Variants in HGFAC observed in about 807,000 individuals in gnomAD.
HGFAC encodes the protein HGF activator.
HGFAC carries 76 observed loss-of-function variants against 70.6 expected under a neutral mutation model. The ratio of observed to expected loss-of-function variants is 1.08; its 90% CI spans 0.89 to 1.30. HGFAC has a LOEUF of 1.30. Among genes scored for constraint, HGFAC ranks in the 50% most tolerant of loss-of-function variants. HGFAC has a pLI of 0.00. For synonymous variants in HGFAC, 464 were observed against 405.3 expected (o/e 1.14, Z -1.74); for missense variants, 1,044 against 933.7 (o/e 1.12, Z -1.54).
chr4:3,443,214 C>A, intron 3 of HGFAC, 68 bp downstream of exon 3: 2 of 1,341,770 alleles, frequency 1.5e-6, no homozygotes, highest in Non-Finnish European at 2.0e-6. Flanking sequence ...TTTCTGGGAG[C>A]CGGGCACACA....
chr4:3,445,932 G>A (rs778283296), intron 9 of HGFAC, 110 bp from the exon 10 acceptor site: 1 of 1,555,772 alleles, frequency 6.4e-7, no homozygotes, highest in Non-Finnish European at 8.7e-7. Context: ...GCGTGGACAG[G>A]GGGTCCGGCC....
Position 3,447,495 on chromosome 4 carries a change from C to A in HGFAC, c.1359C>A (p.Pro453=). The part of the protein sequence containing the change: ...VSAAHCFSHS[P]PRDSVSVVLG... ...GCCTCCAGCCCCCCTTGCACAGCCC[C>A]CCCAGGGACAGCGTCTCCGTGGTGC... The change falls in exon 11 of 14, where the codon CCC becomes CCA. Residue 453 remains proline (P), a synonymous_variant. Transcript: ENST00000382774. 1 of 1,612,564 alleles carries A rather than the reference C, an allele frequency of 6.2e-7. No homozygotes were observed. Among genetic ancestry groups the A allele is most frequent in the East Asian group, 2.2e-5 (1 of 44,874 alleles).
At position 3,442,746 on chromosome 4, in the gene HGFAC, C is replaced by G. The variant is rs756582570; in HGVS notation, c.132C>G (p.Ser44=). 6.6e-7 allele frequency: 1 copy of G among 1,513,296 alleles called. No homozygotes were observed. The highest frequency in any genetic ancestry group is 8.8e-7 in the Non-Finnish European group (1 of 1,133,026). The allele number at this position is 1,513,296 out of a possible 1,614,324, so 93.7% of individuals were successfully genotyped here. A position where few individuals can be genotyped will look rare whatever the true frequency, so the allele number is the denominator to read the frequency against. Residue 44 remains serine, a synonymous_variant, in exon 2 of 14, where the codon TCC becomes TCG. Coordinates refer to ENST00000382774, the MANE Select transcript of HGFAC (RefSeq NM_001528.4). The stretch of plus-strand genomic sequence containing the variant: ...GCTCCTCCTAGAACCGTACGGAGTC[C>G]CCAGAACCTAATGCCACAGCGACCC... The part of the protein sequence containing the change: ...QPQPGGNRTE[S]PEPNATATPA...
intron 10 of HGFAC, 121 bp from the exon 11 acceptor site, chr4:3,447,371 C>T (rs1475432293): frequency 8.9e-7 from 1 of 1,118,800 alleles, no homozygotes; most frequent in Non-Finnish European, 1.3e-6. Flanking sequence ...CTGCTCAGAC[C>T]CCTCCCCGGG....
Position 3,443,329 on chromosome 4 carries a change from G to T in HGFAC, c.396-12G>T, listed in dbSNP as rs1189533351. ...GCCTGGGACCCCCATGCACGCAGGT[G>T]TCGCCCCCCAGGTGTGCCACAACTC... On this transcript the variant is annotated splice_polypyrimidine_tract_variant and intron_variant, in intron 3 of 13. Coordinates refer to ENST00000382774, the MANE Select transcript of HGFAC (RefSeq NM_001528.4). The T allele has an allele frequency of 1.9e-6, 3 of 1,541,744 alleles. No individual in the cohort carries two copies. The highest frequency in any genetic ancestry group is 2.5e-5 in the East Asian group (1 of 40,526).
chr4:3,443,455 G>T (rs1318561600), intron 4 of HGFAC, 35 bp downstream of exon 4: 15 of 1,340,256 alleles, frequency 1.1e-5, no homozygotes, highest in Non-Finnish European at 1.4e-5. Flanking sequence ...GGGCGGGCAG[G>T]GGGCACTGGG....
Position 3,447,578 on chromosome 4 carries a change from A to G in HGFAC, c.1442A>G (p.Lys481Arg). 6.2e-7 allele frequency: 1 copy of G among 1,612,708 alleles called. No homozygotes were observed. Among genetic ancestry groups the G allele is most frequent in the Non-Finnish European group, 8.5e-7 (1 of 1,179,916 alleles). Reference sequence around the variant, plus strand: ...GTGACGCAGACCTTCGGCATCGAGAAGTACATCCCGTACACCCTGTACTCG... The same window carrying G: ...GTGACGCAGACCTTCGGCATCGAGAGGTACATCCCGTACACCCTGTACTCG... ...TDVTQTFGIE[K>R]YIPYTLYSVF... The change falls in exon 11 of 14, where the codon AAG (lysine) becomes AGG (arginine). Residue 481 changes from lysine (K) to arginine (R), a missense_variant. By Grantham distance (26) the Lys-to-Arg change is conservative (BLOSUM62 2). Coordinates refer to ENST00000382774, the MANE Select transcript of HGFAC (RefSeq NM_001528.4).
At chr4:3,445,463 G>T (rs1402798885) in intron 9 of HGFAC, 113 bp downstream of exon 9, 1 of 783,654 alleles carries the variant, frequency 1.3e-6, no homozygotes, top group Non-Finnish European at 2.2e-6. Context: ...GACAAATGGG[G>T]AAACTGGAGC....
In HGFAC at chr4:3,442,011, T is replaced by G; in HGVS notation, c.10T>G (p.Trp4Gly). Residue 4 changes from tryptophan (W) to glycine (G), a missense_variant, in exon 1 of 14, where the codon TGG becomes GGG. Transcript: ENST00000382774. ...GGCCAGCTCAGGAGCCATGGGGCGC[T>G]GGGCCTGGGTCCCCAGCCCCTGGCC... Reference protein sequence around the residue: MGRWAWVPSPWPPP... With the variant: MGRGAWVPSPWPPP... 6.7e-7 allele frequency: 1 copy of G among 1,500,760 alleles called. No homozygotes were observed. The highest frequency in any genetic ancestry group is 8.8e-7 in the Non-Finnish European group (1 of 1,139,658). 93.0% of individuals were successfully genotyped at this position (1,500,760 alleles called of 1,614,324 possible).
chr4:3,444,278 G>T (rs898027025), intron 5 of HGFAC, 33 bp from the exon 6 acceptor site: 2 of 1,571,866 alleles, frequency 1.3e-6, no homozygotes, highest in African/African-American at 1.3e-5. Flanking sequence ...ACAGCAGGTG[G>T]CAGGGTGTGA....
chr4:3,444,267 G>A (rs1379380760), intron 5 of HGFAC, 44 bp from the exon 6 acceptor site: 9 of 1,568,462 alleles, frequency 5.7e-6, no homozygotes, highest in African/African-American at 2.7e-5. Context: ...CCTGCACGGG[G>A]ACAGCAGGTG....
At chr4:3,447,740 TG>T in intron 11 of HGFAC, 109 bp downstream of exon 11, 1 of 1,549,180 alleles carries the variant, frequency 6.5e-7, no homozygotes, top group African/African-American at 1.4e-5. Flanking sequence ...CGGGGGAAGC[TG>T]GGGGCAGGGC....
chr4:3,442,168 TG>T (rs1291199538), intron 1 of HGFAC, 50 bp downstream of exon 1: 18 of 1,415,864 alleles, frequency 1.3e-5, no homozygotes, highest in Admixed American at 6.8e-5. Context: ...AGTGGCTACT[TG>T]GGGTCCTTGG....
At chr4:3,441,960 C>G, upstream of HGFAC, 3 of 1,209,204 alleles carry the variant, frequency 2.5e-6, no homozygotes, top group Non-Finnish European at 3.3e-6. This position sits in a 1 kb window ranked among gnomAD's most constrained non-coding sequence, Gnocchi z 6.0. Context: ...CTTGGCCGCT[C>G]TGCTCCCGCC....
rs565642688 is a variant in HGFAC at position 3,444,447 on chromosome 4, G to T, written c.730+5G>T. ...GCGAAGGCACCCGACATACAGGTGC[G>T]CCACGGGGTGTGAGCCGTGCCACTG... On this transcript the variant is annotated splice_donor_5th_base_variant and intron_variant, in intron 6 of 13. Transcript: ENST00000382774. 1.2e-5 allele frequency: 19 copies of T among 1,587,198 alleles called. No individual in the cohort carries two copies. The African/African-American group carries it at 2.1e-4, about 18-fold the overall frequency.
chr4:3,441,587 C>G (rs1254758484), upstream of HGFAC, among the ~76,000 whole-genome samples: 1 of 152,232 alleles, frequency 6.6e-6, no homozygotes, highest in Non-Finnish European at 1.5e-5. The surrounding 1 kb of genome is among the most constrained non-coding windows in gnomAD (Gnocchi z 6.0). Context: ...CTGGACACCT[C>G]CAAGGCCCAG....
intron 9 of HGFAC, chr4:3,445,812 C>CGTGTG: frequency 1.4e-6 from 2 of 1,454,400 alleles, no homozygotes; most frequent in Non-Finnish European, 1.9e-6. Flanking sequence ...CAAAGGCCTC[C>CGTGTG]GTGTGTCCAG....
chr4:3,448,423 C>T lies in HGFAC; in HGVS notation c.1785+147C>T, dbSNP rs1368933241. Reference sequence around the variant, plus strand: ...CAGGGACCCCTGGGCAGGGAGCACACTTACTGTCGGTGGCCAGCACCCCAG... The same window carrying T: ...CAGGGACCCCTGGGCAGGGAGCACATTTACTGTCGGTGGCCAGCACCCCAG... On this transcript the variant is annotated intron_variant, in intron 13 of 13. Coordinates refer to ENST00000382774, the MANE Select transcript of HGFAC (RefSeq NM_001528.4). The T allele has an allele frequency of 7.0e-6, 7 of 1,005,672 alleles. No individual in the cohort carries two copies. The East Asian group carries it at 1.3e-4, about 19-fold the overall frequency. The allele number at this position is 1,005,672 out of a possible 1,614,324, so 62.3% of individuals were successfully genotyped here. A position where few individuals can be genotyped will look rare whatever the true frequency, so the allele number is the denominator to read the frequency against.
At position 3,442,783 on chromosome 4, in the gene HGFAC, A is replaced by G. The variant is rs144680516; in HGVS notation, c.169A>G (p.Thr57Ala). The G allele has an allele frequency of 8.6e-5, 134 of 1,566,402 alleles. No individual in the cohort carries two copies. The African/African-American group carries it at 1.6e-3, about 19-fold the overall frequency. The change falls in exon 2 of 14, where the codon ACT becomes GCT. Residue 57 changes from threonine to alanine, a missense_variant. By Grantham distance (58) the Thr-to-Ala change is moderately conservative. Coordinates refer to ENST00000382774, the MANE Select transcript of HGFAC (RefSeq NM_001528.4). ...TGCCACAGCGACCCCTGCGATCCCC[A>G]CTATCCTGGTGACCTCTGTGACCTC... Reference protein sequence around the residue: ...PNATATPAIPTILVTSVTSET... With the variant: ...PNATATPAIPAILVTSVTSET...
Sources: gnomAD v4.1 joint callset for allele counts (sites outside exome capture counted in the v4.1 genomes callset) on GRCh38, gnomAD v4.1.1 for gene constraint, Gnocchi (gnomAD v3.1) non-coding constraint, MANE v1.5 for transcripts, NCBI Gene and HGNC (gene_info 2026-07-23, HGNC 2026-07-21) for gene names.